EBF2: variants seen among roughly 807,000 people sequenced by gnomAD.
The protein encoded by EBF2 is EBF transcription factor 2.
In EBF2, 21 loss-of-function variants were observed where a neutral mutation model predicts 72.8. The ratio of observed to expected loss-of-function variants is 0.29; its 90% CI spans 0.20 to 0.42. The LOEUF is 0.42. Ranked by LOEUF, EBF2 falls within the 10% of genes least tolerant of loss-of-function variation. The probability of loss-of-function intolerance (pLI) is 1.00; values close to 1 mark genes in which losing one functional copy is unlikely to be tolerated. For missense variants in EBF2, 637 were observed against 731.2 expected (o/e 0.87, Z 1.49); for synonymous variants, 299 against 274.2 (o/e 1.09, Z -0.89).
intron 6 of EBF2, among the ~76,000 whole-genome samples, chr8:25,963,630 C>A (rs1037451861): frequency 3.9e-5 from 6 of 152,250 alleles, no homozygotes; most frequent in Admixed American, 6.5e-5. Context: ...TCTATTCACT[C>A]CCATGTGCGA....
chr8:25,990,188 TACACACACACACAC>T (rs60406400), intron 6 of EBF2, among the ~76,000 whole-genome samples: 6 of 146,374 alleles, frequency 4.1e-5, no homozygotes, highest in Non-Finnish European at 9.1e-5. Context: ...CTATGGGTTA[TACACACACACACAC>T]ACACACACAC....
chr8:25,901,077 A>G (rs1802943730), intron 7 of EBF2, among the ~76,000 whole-genome samples: 2 of 152,176 alleles, frequency 1.3e-5, no homozygotes, highest in African/African-American at 2.4e-5. Context: ...TGCATGCAAC[A>G]AAATATTGCA....
At chr8:25,986,293 C>A (rs570004040) in intron 6 of EBF2, among the ~76,000 whole-genome samples, 1 of 152,240 alleles carries the variant, frequency 6.6e-6, no homozygotes, top group Non-Finnish European at 1.5e-5. Context: ...CTCCCAGCTC[C>A]TTCATGAAGC....
intron 6 of EBF2, among the ~76,000 whole-genome samples, chr8:25,979,837 G>C (rs1370304595): frequency 6.6e-6 from 1 of 152,038 alleles, no homozygotes; most frequent in African/African-American, 2.4e-5. Context: ...ATGAAAGGCT[G>C]TTCCGGCCAC....
At chr8:25,845,637 G>C (rs1464894451) in intron 15 of EBF2, among the ~76,000 whole-genome samples, 2 of 152,148 alleles carry the variant, frequency 1.3e-5, no homozygotes, top group African/African-American at 4.8e-5. Flanking sequence ...CACTTCCCAG[G>C]GTTTCCCTAG....
chr8:25,944,251 T>C (rs1229806926), intron 6 of EBF2, among the ~76,000 whole-genome samples: 2 of 152,266 alleles, frequency 1.3e-5, no homozygotes, highest in Middle Eastern at 3.4e-3. Context: ...TATCCTAAAG[T>C]TTATAAACAT....
chr8:25,990,796 T>C (rs1170891634), intron 6 of EBF2, among the ~76,000 whole-genome samples: 2 of 152,226 alleles, frequency 1.3e-5, no homozygotes, highest in Non-Finnish European at 2.9e-5. Context: ...CTTATAATTA[T>C]AAACACACGT....
At chr8:25,897,413 C>T (rs1332660872) in intron 7 of EBF2, among the ~76,000 whole-genome samples, 1 of 151,612 alleles carries the variant, frequency 6.6e-6, no homozygotes, top group Non-Finnish European at 1.5e-5. Context: ...GTTTATTACA[C>T]GAGTATGTTG....
chr8:25,920,579 G>T (rs1249475368), intron 6 of EBF2, among the ~76,000 whole-genome samples: 1 of 152,212 alleles, frequency 6.6e-6, no homozygotes, highest in Non-Finnish European at 1.5e-5. Flanking sequence ...GAAAGCGATT[G>T]TGACCCACGC....
chr8:26,042,620 C>T (rs938266689), intron 1 of EBF2, among the ~76,000 whole-genome samples: 1 of 152,224 alleles, frequency 6.6e-6, no homozygotes, highest in Non-Finnish European at 1.5e-5. Flanking sequence ...GGGCTGTCTC[C>T]ATCCACTCCC....
intron 9 of EBF2, 100 bp from the exon 10 acceptor site, chr8:25,886,981 T>C: frequency 7.5e-7 from 1 of 1,326,542 alleles, no homozygotes; most frequent in Admixed American, 2.4e-5. Context: ...CCCAGGGGCT[T>C]CTTTCTCTCT....
chr8:25,855,085 A>C (rs1220692408), intron 14 of EBF2, among the ~76,000 whole-genome samples: 3 of 152,222 alleles, frequency 2.0e-5, no homozygotes, highest in East Asian at 3.8e-4. Context: ...CTGGACATCT[A>C]TCTCTCTATG....
chr8:25,941,622 C>T (rs113655291), intron 6 of EBF2, among the ~76,000 whole-genome samples: 2 of 152,206 alleles, frequency 1.3e-5, no homozygotes, highest in African/African-American at 4.8e-5. Context: ...AACCATGACT[C>T]CTCCTCCATC....
At chr8:25,880,007 C>A (rs986809887) in intron 10 of EBF2, among the ~76,000 whole-genome samples, 1 of 152,142 alleles carries the variant, frequency 6.6e-6, no homozygotes, top group Non-Finnish European at 1.5e-5. Context: ...GAATTTAACT[C>A]TTGATGTTCA....
intron 6 of EBF2, among the ~76,000 whole-genome samples, chr8:26,013,762 A>C (rs1241997951): frequency 6.6e-6 from 1 of 152,198 alleles, no homozygotes; most frequent in African/African-American, 2.4e-5. Flanking sequence ...AGGTAAAAGA[A>C]AACCTTGTCG....
rs1390947193 is a variant in EBF2, at chr8:25,950,871, TA to T, written c.552-42317del. Among the ~76,000 whole-genome samples, 29 of 150,802 alleles carry T rather than the reference TA, an allele frequency of 1.9e-4. 2 individuals are homozygous for T. In the South Asian group the frequency reaches 5.0e-3, roughly 26 times the overall value. On this transcript the variant is annotated intron_variant, in intron 6 of 15. Coordinates refer to ENST00000520164, the MANE Select transcript of EBF2 (RefSeq NM_022659.4). ...CTACAGTTTTAACACAAATTGATAT[TA>T]AAAAAAAAGGAAGCAGAGTTTTAAA...
Position 26,016,403 on chromosome 8 carries a change from C to A in EBF2, c.551+16682G>T, listed in dbSNP as rs532746581. Among the ~76,000 whole-genome samples the A allele has an allele frequency of 1.1e-4, 16 of 152,346 alleles. No homozygotes were observed. In the East Asian group the frequency reaches 3.1e-3, roughly 29 times the overall value. On this transcript the variant is annotated intron_variant, in intron 6 of 15. Transcript: ENST00000520164. ...CAGAACTACTCAACCCAGTTGCATT[C>A]ATTCATTCATTTATTCACACATTCA...
At position 25,847,859 on chromosome 8, in the gene EBF2, T is replaced by G. The variant is rs192406548; in HGVS notation, c.1696+2735A>C. Among the ~76,000 whole-genome samples, 717 of 152,206 alleles carry G rather than the reference T, an allele frequency of 4.7e-3. 2 individuals carry two copies. The highest frequency in any genetic ancestry group is 0.017 in the Middle Eastern group (5 of 294). On this transcript the variant is annotated intron_variant, in intron 15 of 15. Coordinates refer to ENST00000520164, the MANE Select transcript of EBF2 (RefSeq NM_022659.4). ...CCCTAAATCGACAGGTAGTTCTATTTTTTTCCTCCCCGACCTACTCCAAAC... is the reference window on the plus strand; with the variant it reads ...CCCTAAATCGACAGGTAGTTCTATTGTTTTCCTCCCCGACCTACTCCAAAC...
chr8:25,926,900 C>T (rs540269510), intron 6 of EBF2, among the ~76,000 whole-genome samples: 1 of 152,284 alleles, frequency 6.6e-6, no homozygotes, highest in African/African-American at 2.4e-5. Context: ...AGGAGGAGGT[C>T]CACATGATCT....
Sources: gnomAD v4.1 joint callset for allele counts (sites outside exome capture counted in the v4.1 genomes callset) on GRCh38, gnomAD v4.1.1 for gene constraint, MANE v1.5 for transcripts, NCBI Gene and HGNC (gene_info 2026-07-23, HGNC 2026-07-21) for gene names.